The following PIP4K2B variants were observed in gnomAD, a reference collection of about 807,000 sequenced individuals.
PIP4K2B encodes phosphatidylinositol-5-phosphate 4-kinase type 2 beta.
A neutral mutation model predicts 42.0 loss-of-function variants in PIP4K2B; 3 were observed. The ratio of observed to expected loss-of-function variants is 0.07; its 90% CI spans 0.03 to 0.18. The LOEUF (loss-of-function observed/expected upper bound fraction) is 0.18, where lower values mean the gene tolerates loss of function less well. Ranked by LOEUF, PIP4K2B falls within the 10% of genes least tolerant of loss-of-function variation. PIP4K2B has a pLI of 1.00. For synonymous variants in PIP4K2B, 204 were observed against 210.1 expected, an observed-to-expected ratio of 0.97 and a Z score of 0.25; for missense variants, 332 against 562.3, an observed-to-expected ratio of 0.59 and a Z score of 4.14.
chr17:38,793,919 C>G (rs936619550), intron 1 of PIP4K2B, among the ~76,000 whole-genome samples: 1 of 151,184 alleles, frequency 6.6e-6, no homozygotes, highest in Admixed American at 6.6e-5. Flanking sequence ...AATGTATGGA[C>G]AGAACAGAAC....
At chr17:38,771,353 G>T in intron 7 of PIP4K2B, 81 bp from the exon 8 acceptor site, 2 of 1,493,698 alleles carry the variant, frequency 1.3e-6, no homozygotes, top group Non-Finnish European at 1.8e-6. Context: ...AGGGGGGAAA[G>T]GCATTCCTTT....
At chr17:38,795,328 C>A (rs561440734) in intron 1 of PIP4K2B, among the ~76,000 whole-genome samples, 1 of 152,072 alleles carries the variant, frequency 6.6e-6, no homozygotes, top group East Asian at 1.9e-4. Flanking sequence ...CCAATGAAGG[C>A]TGGGGATGTG....
chr17:38,779,404 C>T lies in PIP4K2B; in HGVS notation c.633G>A (p.Val211=). 6.2e-7 allele frequency: 1 copy of T among 1,612,504 alleles called. No individual in the cohort carries two copies. Among genetic ancestry groups the T allele is most frequent in the Non-Finnish European group, 8.5e-7 (1 of 1,179,534 alleles). ...TTACCTTGAGGTCATACTTGCGATG[C>T]ACAGTGAGCCGATGGCTGAACACGT... The part of the protein sequence containing the change: ...TRNVFSHRLT[V]HRKYDLKGST... Residue 211 remains valine (V), a synonymous_variant, in exon 5 of 10, where the codon GTG becomes GTA. Coordinates refer to ENST00000619039, the MANE Select transcript of PIP4K2B (RefSeq NM_003559.5).
Position 38,770,995 on chromosome 17 carries a change from G to A in PIP4K2B, c.1066+19C>T, listed in dbSNP as rs776927105. 14 of 1,613,788 alleles carry A rather than the reference G, an allele frequency of 8.7e-6. No homozygotes were observed. The African/African-American group carries it at 1.6e-4, about 18-fold the overall frequency. On this transcript the variant is annotated intron_variant, in intron 8 of 9. Transcript: ENST00000619039. Reference sequence around the variant, plus strand: ...GATGAGGGCAGGGCTGTGCAGAGCAGGCGCAGGCTCTGACTTACTTTCATG... The same window carrying A: ...GATGAGGGCAGGGCTGTGCAGAGCAAGCGCAGGCTCTGACTTACTTTCATG...
chr17:38,777,849 C>T, intron 6 of PIP4K2B, 49 bp from the exon 7 acceptor site: 1 of 1,294,488 alleles, frequency 7.7e-7, no homozygotes, highest in Non-Finnish European at 1.1e-6. Context: ...TAATTCACCC[C>T]AGGGACACCC....
chr17:38,799,329 T>C lies in PIP4K2B; in HGVS notation c.96A>G (p.Lys32=). Residue 32 remains lysine (K), a synonymous_variant, in exon 1 of 10, where the codon AAA becomes AAG. Transcript: ENST00000619039. The surrounding 1 kb of genome is among the most constrained non-coding windows in gnomAD (Gnocchi z 4.4). ...KTKKKHFVCQ[K]VKLFRASEPI... is the part of the protein sequence containing the mutation. ...GCTCGCTGGCCCGGAATAGCTTCAC[T>C]TTCTGGCACACGAAATGCTTCTTCT... The C allele has an allele frequency of 6.2e-7, 1 of 1,608,910 alleles. No individual in the cohort carries two copies. Among genetic ancestry groups the C allele is most frequent in the Non-Finnish European group, 8.5e-7 (1 of 1,178,028 alleles).
Position 38,785,862 on chromosome 17 carries a change from G to A in PIP4K2B, c.257+961C>T, listed in dbSNP as rs538483358. Among the ~76,000 whole-genome samples, 35 of 152,304 alleles carry A rather than the reference G, an allele frequency of 2.3e-4. 1 individual carries two copies. The highest frequency in any genetic ancestry group is 2.1e-3 in the Admixed American group (32 of 15,292). Reference sequence around the variant, plus strand: ...GGTGCAATGCCCACTTCGAGAACCCGGACCTCTGAGTCAGAACAACCTTCT... The same window carrying A: ...GGTGCAATGCCCACTTCGAGAACCCAGACCTCTGAGTCAGAACAACCTTCT... On this transcript the variant is annotated intron_variant, in intron 2 of 9. Transcript: ENST00000619039.
chr17:38,778,480 A>G, intron 5 of PIP4K2B, 108 bp from the exon 6 acceptor site: 4 of 958,408 alleles, frequency 4.2e-6, no homozygotes, highest in Non-Finnish European at 6.8e-6. Flanking sequence ...TTAGAGTCCT[A>G]GAGGGGCCAG....
intron 2 of PIP4K2B, among the ~76,000 whole-genome samples, chr17:38,785,535 C>T (rs1372281572): frequency 3.9e-5 from 6 of 152,044 alleles, no homozygotes; most frequent in South Asian, 2.1e-4. Context: ...AAAAATTAGC[C>T]GGGCGTGGTG....
intron 2 of PIP4K2B, among the ~76,000 whole-genome samples, 192 bp downstream of exon 2, chr17:38,786,631 C>A (rs566470213): frequency 6.6e-6 from 1 of 152,182 alleles, no homozygotes; most frequent in Non-Finnish European, 1.5e-5. Context: ...TAGAGTGAGA[C>A]GACAATACTA....
intron 1 of PIP4K2B, among the ~76,000 whole-genome samples, chr17:38,797,699 G>A (rs1425656621): frequency 6.6e-6 from 1 of 152,224 alleles, no homozygotes; most frequent in Non-Finnish European, 1.5e-5. Flanking sequence ...AGAACCAGCA[G>A]AGAGAGGCCT....
chr17:38,797,356 T>C (rs1425612412), intron 1 of PIP4K2B, among the ~76,000 whole-genome samples: 4 of 152,152 alleles, frequency 2.6e-5, no homozygotes, highest in Non-Finnish European at 4.4e-5. Flanking sequence ...CTGACATGCA[T>C]AGGCGTATAA....
In PIP4K2B at chr17:38,769,752, G is replaced by T; in HGVS notation, c.1190C>A (p.Thr397Asn). 1.2e-6 allele frequency: 2 copies of T among 1,613,898 alleles called. No individual in the cohort carries two copies. The highest frequency in any genetic ancestry group is 1.7e-6 in the Non-Finnish European group (2 of 1,179,780). The change falls in exon 10 of 10, where the codon ACT becomes AAT. Residue 397 changes from threonine (T) to asparagine (N), a missense_variant. Transcript: ENST00000619039. ...VKHGAGAEISTVNPEQYSKRF... is the reference protein window; with the variant it reads ...VKHGAGAEISNVNPEQYSKRF... ...TTTGGAGTACTGCTCAGGGTTCACA[G>T]TCGAGATCTCGGCCCCTGCCTGTAA...
At position 38,777,861 on chromosome 17, in the gene PIP4K2B, A is replaced by G. The variant is rs1909452663; in HGVS notation, c.694-61T>C. The G allele has an allele frequency of 8.3e-6, 10 of 1,208,354 alleles. No homozygotes were observed. The Admixed American group carries it at 1.0e-4, about 12-fold the overall frequency. 74.9% of individuals were successfully genotyped at this position (1,208,354 alleles called of 1,614,324 possible). A position where few individuals can be genotyped will look rare whatever the true frequency, so the allele number is the denominator to read the frequency against. ...GATTAATTCACCCCAGGGACACCCA[A>G]CTGTTCTGCCGGGAGCAACTATACA... On this transcript the variant is annotated intron_variant, in intron 6 of 9. Coordinates refer to ENST00000619039, the MANE Select transcript of PIP4K2B (RefSeq NM_003559.5).
At chr17:38,781,862 G>A (rs1909737440) in intron 3 of PIP4K2B, among the ~76,000 whole-genome samples, 1 of 151,570 alleles carries the variant, frequency 6.6e-6, no homozygotes, top group South Asian at 2.1e-4. Context: ...ACCCAAACTG[G>A]AGTATAGTGG....
chr17:38,785,102 TCTGCTGG>T (rs781133563), intron 2 of PIP4K2B, among the ~76,000 whole-genome samples: 1 of 152,212 alleles, frequency 6.6e-6, no homozygotes, highest in Non-Finnish European at 1.5e-5. Flanking sequence ...CAGAGCCCTG[TCTGCTGG>T]CTGCTGGCAC....
intron 7 of PIP4K2B, 94 bp downstream of exon 7, chr17:38,777,593 G>C (rs1300580520): frequency 1.2e-6 from 1 of 855,378 alleles, no homozygotes; most frequent in Non-Finnish European, 2.0e-6. Context: ...CATACTCCTG[G>C]AAAGTACTGA....
intron 9 of PIP4K2B, 29 bp downstream of exon 9, chr17:38,770,407 G>C: frequency 1.4e-6 from 2 of 1,406,762 alleles, no homozygotes; most frequent in Non-Finnish European, 2.0e-6. Context: ...GACCCAGCTG[G>C]GCCCTGGATG....
intron 1 of PIP4K2B, among the ~76,000 whole-genome samples, chr17:38,791,478 G>A (rs368846310): frequency 3.5e-5 from 5 of 141,652 alleles, no homozygotes; most frequent in Admixed American, 1.5e-4. Flanking sequence ...GTGCAATGGC[G>A]TGCTCACCGC....
Sources: allele counts gnomAD v4.1 joint callset (sites outside exome capture counted in the v4.1 genomes callset), GRCh38; gene constraint gnomAD v4.1.1; non-coding constraint Gnocchi (gnomAD v3.1); transcripts MANE v1.5; gene names NCBI Gene and HGNC (gene_info 2026-07-23, HGNC 2026-07-21).